ZNF829: variants seen among roughly 807,000 people sequenced by gnomAD.
The protein encoded by ZNF829 is zinc finger protein 829.
In ZNF829, 25 loss-of-function variants were observed where a neutral mutation model predicts 35.2. The observed-to-expected ratio is 0.71, with a 90% confidence interval of 0.52 to 0.99. ZNF829 has a LOEUF of 0.99. Among genes scored for constraint, ZNF829 ranks in the 50% least tolerant of loss-of-function variants. The pLI, the probability that ZNF829 is intolerant of heterozygous loss-of-function variation, is 0.00. For missense variants in ZNF829, 417 were observed against 515.3 expected (o/e 0.81, Z 1.85); for synonymous variants, 136 against 163.2 (o/e 0.83, Z 1.27).
chr19:36,902,908 C>T (rs576648864), intron 5 of ZNF829, among the ~76,000 whole-genome samples: 38 of 152,160 alleles, frequency 2.5e-4, no homozygotes, highest in Middle Eastern at 3.4e-3. Context: ...TGGTGGCGCA[C>T]GCCTGTAATC....
Position 36,908,470 on chromosome 19 carries a change from A to C in ZNF829, c.97-11T>G, listed in dbSNP as rs1426127932. 6.3e-7 allele frequency: 1 copy of C among 1,587,394 alleles called. No individual in the cohort carries two copies. Among genetic ancestry groups the C allele is most frequent in the East Asian group, 2.2e-5 (1 of 44,556 alleles). ...GAACATCACCGGCCCCTGAAACAACAAACATGCTTTCACAATGAAAGGAGA... is the reference window on the plus strand; with the variant it reads ...GAACATCACCGGCCCCTGAAACAACCAACATGCTTTCACAATGAAAGGAGA... On this transcript the variant is annotated splice_polypyrimidine_tract_variant and intron_variant, in intron 3 of 5. Coordinates refer to ENST00000391711, the MANE Select transcript of ZNF829 (RefSeq NM_001037232.4).
At chr19:36,900,358 A>T (rs2073154597) in intron 5 of ZNF829, among the ~76,000 whole-genome samples, 1 of 118,812 alleles carries the variant, frequency 8.4e-6, no homozygotes, top group Non-Finnish European at 1.7e-5. Context: ...ACTCTGTCTT[A>T]AAAAAAAAAA....
intron 3 of ZNF829, among the ~76,000 whole-genome samples, chr19:36,909,889 G>A (rs2073249684): frequency 1.3e-5 from 2 of 151,818 alleles, no homozygotes; most frequent in Admixed American, 1.3e-4. Context: ...TGTGGTATGG[G>A]AAATCTCAAT....
intron 3 of ZNF829, among the ~76,000 whole-genome samples, chr19:36,913,871 C>T (rs60293110): frequency 1.3e-5 from 2 of 151,812 alleles, no homozygotes; most frequent in South Asian, 2.1e-4. Flanking sequence ...TCAAGGGAGA[C>T]GAGCTAATCA....
Position 36,891,409 on chromosome 19 carries a change from A to G in ZNF829, c.*83T>C. The G allele has an allele frequency of 7.4e-7, 1 of 1,345,596 alleles. No individual in the cohort carries two copies. The highest frequency in any genetic ancestry group is 1.8e-5 in the South Asian group (1 of 56,140). 83.4% of individuals were successfully genotyped at this position (1,345,596 alleles called of 1,614,324 possible). A position where few individuals can be genotyped will look rare whatever the true frequency, so the allele number is the denominator to read the frequency against. On this transcript the variant is annotated 3_prime_UTR_variant, in exon 6 of 6. Coordinates refer to ENST00000391711, the MANE Select transcript of ZNF829 (RefSeq NM_001037232.4). ...ACGAATACATAGGAGAACCTTTGAT[A>G]ATATGTATCCTAATTTGTTCTCCTT...
At chr19:36,903,688 C>T (rs1039835836) in intron 5 of ZNF829, among the ~76,000 whole-genome samples, 1 of 152,090 alleles carries the variant, frequency 6.6e-6, no homozygotes, top group Admixed American at 6.6e-5. Flanking sequence ...GTCAGGAATT[C>T]GAGACCATCC....
At chr19:36,894,611 A>G (rs2073094469) in intron 5 of ZNF829, among the ~76,000 whole-genome samples, 1 of 152,140 alleles carries the variant, frequency 6.6e-6, no homozygotes, top group South Asian at 2.1e-4. Context: ...ATGAAAAAGA[A>G]CCAAACAGAA....
chr19:36,907,113 G>GTATATA (rs57790128), intron 5 of ZNF829: 1 of 118,058 alleles, frequency 8.5e-6, no homozygotes, highest in African/African-American at 3.3e-5. Context: ...AAAAAAAAAT[G>GTATATA]TATATATATA....
In ZNF829 at chr19:36,897,207, A is replaced by C. The variant is rs12461289; in HGVS notation, c.320-4736T>G. On this transcript the variant is annotated intron_variant, in intron 5 of 5. Coordinates refer to ENST00000391711, the MANE Select transcript of ZNF829 (RefSeq NM_001037232.4). Reference sequence around the variant, plus strand: ...TTAATTCTTCCTAATCCATTCTACAAGGCCAGCATTACCCTGATACCAAAA... The same window carrying C: ...TTAATTCTTCCTAATCCATTCTACACGGCCAGCATTACCCTGATACCAAAA... Among the ~76,000 whole-genome samples the C allele has an allele frequency of 5.4e-3, 828 of 152,314 alleles. 43 individuals are homozygous for C. The highest frequency in any genetic ancestry group is 0.05 in the Admixed American group (772 of 15,296).
At chr19:36,896,203 C>T (rs920070522) in intron 5 of ZNF829, among the ~76,000 whole-genome samples, 5 of 151,452 alleles carry the variant, frequency 3.3e-5, no homozygotes, top group South Asian at 2.1e-4. Context: ...CCCACCTACT[C>T]GGGAGGCTGA....
At chr19:36,907,087 C>CTAAA (rs2073222873) in intron 5 of ZNF829, 1 of 23,730 alleles carries the variant, frequency 4.2e-5, no homozygotes, top group African/African-American at 1.7e-4. Context: ...GACTCCATCT[C>CTAAA]AAAAAAAAAA....
At chr19:36,895,491 A>T (rs2073103856) in intron 5 of ZNF829, among the ~76,000 whole-genome samples, 1 of 152,220 alleles carries the variant, frequency 6.6e-6, no homozygotes, top group Non-Finnish European at 1.5e-5. Context: ...AAATTAACAG[A>T]TTAGGAATAA....
intron 5 of ZNF829, among the ~76,000 whole-genome samples, chr19:36,895,965 G>A (rs1396834301): frequency 2.0e-5 from 3 of 152,102 alleles, no homozygotes; most frequent in African/African-American, 4.8e-5. Flanking sequence ...TCAGGAGTTC[G>A]AGACCAGCCT....
chr19:36,915,782 A>T (rs757303613), intron 1 of ZNF829: 3 of 1,359,302 alleles, frequency 2.2e-6, no homozygotes. Context: ...TTTTTAGTAG[A>T]GATGGGGTTT....
At position 36,915,973 on chromosome 19, in the gene ZNF829, G is replaced by C. The variant is rs975392081; in HGVS notation, c.-85+38C>G. ...CAGTCATCCCGGATGGGAACTTGCA[G>C]ACCTGAGCCAGTTCTCCTGGGGACC... is the stretch of plus-strand genomic sequence containing the variant. On this transcript the variant is annotated intron_variant, in intron 1 of 5. Transcript: ENST00000391711. 1.4e-5 allele frequency: 21 copies of C among 1,520,890 alleles called. No individual in the cohort carries two copies. The East Asian group carries it at 1.5e-4, about 11-fold the overall frequency. 94.2% of individuals were successfully genotyped at this position (1,520,890 alleles called of 1,614,324 possible).
intron 5 of ZNF829, among the ~76,000 whole-genome samples, chr19:36,893,419 C>A (rs537258024): frequency 1.3e-5 from 2 of 152,280 alleles, no homozygotes; most frequent in South Asian, 4.1e-4. Context: ...GAAATGTACT[C>A]TATGAGAAGA....
At chr19:36,895,039 C>A (rs1005297798) in intron 5 of ZNF829, among the ~76,000 whole-genome samples, 1 of 152,016 alleles carries the variant, frequency 6.6e-6, no homozygotes, top group African/African-American at 2.4e-5. Flanking sequence ...CTAAAAAAAG[C>A]AAGAGAAAGG....
At chr19:36,903,626 CA>C (rs1380152575) in intron 5 of ZNF829, among the ~76,000 whole-genome samples, 1 of 152,162 alleles carries the variant, frequency 6.6e-6, no homozygotes, top group Non-Finnish European at 1.5e-5. Context: ...CACGGCGGCT[CA>C]GACCTGTAAT....
rs1415959018 is a variant in ZNF829 at position 36,890,582 on chromosome 19, T to C, written c.*910A>G. 1 of 151,884 alleles carries C rather than the reference T, an allele frequency of 6.6e-6. No individual in the cohort carries two copies. Among genetic ancestry groups the C allele is most frequent in the African/African-American group, 2.4e-5 (1 of 41,320 alleles). The allele number at this position is 151,884 out of a possible 1,614,324, so 9.4% of individuals were successfully genotyped here. ...TTTGGCCATCACGGTGGCTCACGTC[T>C]GTAATCCCAGCACTTTGGGAGGCTG... On this transcript the variant is annotated 3_prime_UTR_variant, in exon 6 of 6. Transcript: ENST00000391711.
Sources: gnomAD v4.1 joint callset for allele counts (sites outside exome capture counted in the v4.1 genomes callset) on GRCh38, gnomAD v4.1.1 for gene constraint, MANE v1.5 for transcripts, NCBI Gene and HGNC (gene_info 2026-07-23, HGNC 2026-07-21) for gene names.